The following CCDC141 variants were observed in gnomAD, a reference collection of about 807,000 sequenced individuals.
CCDC141 encodes coiled-coil domain-containing protein 141.
In CCDC141, 168 loss-of-function variants were observed where a neutral mutation model predicts 181.0. The observed-to-expected ratio is 0.93, with a 90% CI of 0.82 to 1.05. The LOEUF is 1.05. CCDC141 is among the 50% of genes least tolerant of loss of function. The pLI is 0.00. For missense variants in CCDC141, 1,902 were observed against 1,788.5 expected (o/e 1.06, Z -1.14); for synonymous variants, 666 against 642.3 (o/e 1.04, Z -0.56).
intron 2 of CCDC141, among the ~76,000 whole-genome samples, chr2:179,041,491 G>GTTTTTTTT (rs35229059): frequency 1.0e-4 from 6 of 58,896 alleles, no homozygotes; most frequent in African/African-American, 1.4e-4. Flanking sequence ...TTGGTTGTGG[G>GTTTTTTTT]TTTTTTTTTT....
intron 23 of CCDC141, among the ~76,000 whole-genome samples, chr2:178,835,381 T>G (rs1042095688): frequency 3.3e-5 from 5 of 152,174 alleles, no homozygotes; most frequent in Admixed American, 2.6e-4. Flanking sequence ...TCTAGAAGGT[T>G]CCTATGAACA....
chr2:178,925,081 G>A (rs1688862410), intron 6 of CCDC141, among the ~76,000 whole-genome samples: 1 of 152,134 alleles, frequency 6.6e-6, no homozygotes, highest in Admixed American at 6.5e-5. Flanking sequence ...TGGATTTCAT[G>A]CCCTCCTAAA....
chr2:178,879,633 C>A (rs966492100), intron 11 of CCDC141, among the ~76,000 whole-genome samples: 2 of 152,096 alleles, frequency 1.3e-5, no homozygotes, highest in South Asian at 2.1e-4. Context: ...AGAAAGAGAG[C>A]CATAATCAAA....
intron 5 of CCDC141, 63 bp from the exon 6 acceptor site, chr2:178,944,714 C>A (rs912030497): frequency 6.6e-6 from 4 of 606,174 alleles, no homozygotes; most frequent in Non-Finnish European, 8.1e-6. Flanking sequence ...AGTAAAAATT[C>A]AGAAATAGTC....
chr2:178,872,469 GT>G lies in CCDC141; in HGVS notation c.1900-158del, dbSNP rs76397584. Among the ~76,000 whole-genome samples, 10,958 of 152,182 alleles carry G rather than the reference GT, an allele frequency of 0.072. 583 individuals are homozygous for G. The highest frequency in any genetic ancestry group is 0.16 in the Admixed American group (2,507 of 15,266). On this transcript the variant is annotated intron_variant, in intron 12 of 23. Coordinates refer to ENST00000443758, the MANE Select transcript of CCDC141 (RefSeq NM_173648.4). ...TCCGAAATCCCTGCGCAGAGGCACA[GT>G]TCAGCTCTCGGAACCACATGCTGTG...
chr2:178,846,456 G>T (rs1002798771), intron 21 of CCDC141, among the ~76,000 whole-genome samples: 1 of 152,116 alleles, frequency 6.6e-6, no homozygotes, highest in Admixed American at 6.6e-5. Context: ...ATTCCACCTG[G>T]AATAAAATCC....
At position 178,868,209 on chromosome 2, in the gene CCDC141, C is replaced by T. The variant is rs577801220; in HGVS notation, c.2395-4G>A. 3.1e-6 allele frequency: 5 copies of T among 1,601,190 alleles called. No individual in the cohort carries two copies. In the African/African-American group the frequency reaches 6.7e-5, roughly 21 times the overall value. ...TTGATTTGATGAGACGTCCCAGCTA[C>T]AATTTAGGGCATTAACAATTAACCT... On this transcript the variant is annotated splice_region_variant and splice_polypyrimidine_tract_variant and intron_variant, in intron 15 of 23. Transcript: ENST00000443758.
rs1421786648 is a variant in CCDC141 at position 178,918,654 on chromosome 2, A to AT, written c.1092+58dup. 6 of 1,387,318 alleles carry AT rather than the reference A, an allele frequency of 4.3e-6. No homozygotes were observed. The East Asian group carries it at 1.3e-4, about 29-fold the overall frequency. 85.9% of individuals were successfully genotyped at this position (1,387,318 alleles called of 1,614,324 possible). A position where few individuals can be genotyped will look rare whatever the true frequency, so the allele number is the denominator to read the frequency against. On this transcript the variant is annotated intron_variant, in intron 7 of 23. Coordinates refer to ENST00000443758, the MANE Select transcript of CCDC141 (RefSeq NM_173648.4). ...TGATGTGCTCCAGTCAGTTGAAGTA[A>AT]TGGGTCTTTTACTGGTCTGCCTGAT...
Position 178,902,106 on chromosome 2 carries a change from G to A in CCDC141, c.1265+3223C>T, listed in dbSNP as rs1244993453. ...AACCACTGCTCAATGAAATAAAAGA[G>A]TATACAAACAAATGGAAGAACATTC... is the stretch of plus-strand genomic sequence containing the variant. On this transcript the variant is annotated intron_variant, in intron 8 of 23. Coordinates refer to ENST00000443758, the MANE Select transcript of CCDC141 (RefSeq NM_173648.4). Among the ~76,000 whole-genome samples the A allele has an allele frequency of 6.6e-5, 10 of 152,256 alleles. No individual in the cohort carries two copies. In the East Asian group the frequency reaches 1.9e-3, roughly 29 times the overall value.
chr2:178,965,099 T>C (rs1690568466), intron 4 of CCDC141, among the ~76,000 whole-genome samples: 1 of 152,208 alleles, frequency 6.6e-6, no homozygotes, highest in Non-Finnish European at 1.5e-5. Context: ...ACTTTCCAAA[T>C]GAGTACTTTC....
rs552440544 is a variant in CCDC141 at position 178,921,759 on chromosome 2, C to T, written c.898-2852G>A. Reference sequence around the variant, plus strand: ...GTTCTATAGCTAAGAGCAGCTGAATCACCAACTGGGTTCACCAGCTCCCAC... The same window carrying T: ...GTTCTATAGCTAAGAGCAGCTGAATTACCAACTGGGTTCACCAGCTCCCAC... On this transcript the variant is annotated intron_variant, in intron 6 of 23. Coordinates refer to ENST00000443758, the MANE Select transcript of CCDC141 (RefSeq NM_173648.4). 1.2e-4 allele frequency among the ~76,000 whole-genome samples: 18 copies of T among 152,318 alleles called. No homozygotes were observed. In the South Asian group the frequency reaches 3.3e-3, roughly 28 times the overall value.
rs1416714984 is a variant in CCDC141, at chr2:178,837,212, G to T, written c.4007C>A (p.Pro1336His). Residue 1336 changes from proline (P) to histidine (H), a missense_variant, in exon 23 of 24, where the codon CCT becomes CAT. Physicochemically the swap from Pro to His is moderately conservative, Grantham distance 77 (BLOSUM62 -2). Transcript: ENST00000443758. ...TTCTAGCAAACCACCCTGAGCCTGA[G>T]GGTGCTGCTGTAAAGCTCTCTCATG... ...EVHERALQQH[P>H]QAQGGLLETR... 6.2e-7 allele frequency: 1 copy of T among 1,613,966 alleles called. No homozygotes were observed. The highest frequency in any genetic ancestry group is 8.5e-7 in the Non-Finnish European group (1 of 1,179,962).
At chr2:178,884,523 C>G (rs958852572) in intron 11 of CCDC141, among the ~76,000 whole-genome samples, 31 of 152,148 alleles carry the variant, frequency 2.0e-4, no homozygotes, top group African/African-American at 7.0e-4. Flanking sequence ...TTTGCTGAGG[C>G]TAATCAGAGC....
At position 178,868,136 on chromosome 2, in the gene CCDC141, C is replaced by G. The variant is rs1481514267; in HGVS notation, c.2464G>C (p.Asp822His). 2 of 1,614,074 alleles carry G rather than the reference C, an allele frequency of 1.2e-6. No homozygotes were observed. The highest frequency in any genetic ancestry group is 3.3e-5 in the Admixed American group (2 of 60,014). Residue 822 changes from aspartate (D) to histidine (H), a missense_variant, in exon 16 of 24, where the codon GAT becomes CAT. Physicochemically the swap from Asp to His is moderately conservative, Grantham distance 81 (BLOSUM62 -1). Transcript: ENST00000443758. The part of the protein sequence containing the change: ...EQPKELGDAH[D>H]VQIHLRCSQE... Reference sequence around the variant, plus strand: ...GAGCACCGGAGGTGAATCTGCACATCATGGGCATCACCCAGTTCCTTCGGC... The same window carrying G: ...GAGCACCGGAGGTGAATCTGCACATGATGGGCATCACCCAGTTCCTTCGGC...
Position 178,981,652 on chromosome 2 carries a change from A to ATATG in CCDC141, c.226-2978_226-2977insCATA, listed in dbSNP as rs1380632212. On this transcript the variant is annotated intron_variant, in intron 2 of 23. Coordinates refer to ENST00000443758, the MANE Select transcript of CCDC141 (RefSeq NM_173648.4). ...TGTGTGTGTGTATATATATATATAT[A>ATATG]TATATACATACATATATACATATAT... Among the ~76,000 whole-genome samples, 142 of 137,338 alleles carry ATATG rather than the reference A, an allele frequency of 1.0e-3. 1 individual carries two copies. Among genetic ancestry groups the ATATG allele is most frequent in the African/African-American group, 3.8e-3 (140 of 36,748 alleles). The allele number at this position is 137,338 out of a possible 152,430, so 90.1% of individuals were successfully genotyped here.
chr2:178,828,748 G>A (rs1490715713), downstream of CCDC141, among the ~76,000 whole-genome samples: 1 of 152,160 alleles, frequency 6.6e-6, no homozygotes, highest in East Asian at 1.9e-4. Flanking sequence ...ATTACAAAGC[G>A]AGGTGGCTGT....
intron 5 of CCDC141, among the ~76,000 whole-genome samples, chr2:178,947,550 T>G (rs1002272664): frequency 6.6e-6 from 1 of 152,326 alleles, no homozygotes; most frequent in South Asian, 2.1e-4. Context: ...TTCTAGGTAC[T>G]TGATGCCCAG....
At chr2:178,884,816 C>T in intron 11 of CCDC141, 85 bp downstream of exon 11, 2 of 1,127,670 alleles carry the variant, frequency 1.8e-6, no homozygotes, top group African/African-American at 1.5e-5. Flanking sequence ...GACCTACCCA[C>T]CAAGGCAGAG....
intron 17 of CCDC141, among the ~76,000 whole-genome samples, chr2:178,858,492 G>A (rs946822857): frequency 1.3e-5 from 2 of 152,062 alleles, no homozygotes; most frequent in African/African-American, 4.8e-5. Flanking sequence ...TCTCAATAAT[G>A]AGTTACTATT....
Sources: allele counts gnomAD v4.1 joint callset (sites outside exome capture counted in the v4.1 genomes callset), GRCh38; gene constraint gnomAD v4.1.1; transcripts MANE v1.5; gene names NCBI Gene and HGNC (gene_info 2026-07-23, HGNC 2026-07-21).